ZFHX3: variants seen among roughly 807,000 people sequenced by gnomAD.
ZFHX3 encodes the protein zinc finger homeobox 3, also known as zinc finger homeobox protein 3.
Under a neutral mutation model 279.1 loss-of-function variants are expected in ZFHX3, and 42 were observed. The ratio of observed to expected loss-of-function variants is 0.15; its 90% CI spans 0.12 to 0.19. The LOEUF (loss-of-function observed/expected upper bound fraction) is 0.19, where lower values mean the gene tolerates loss of function less well. Among genes scored for constraint, ZFHX3 ranks in the 10% least tolerant of loss-of-function variants. ZFHX3 has a pLI of 1.00. For missense variants in ZFHX3, 4,981 were observed against 4,754.0 expected (o/e 1.05, Z -1.40); for synonymous variants, 2,293 against 1,957.8 (o/e 1.17, Z -4.52).
chr16:73,538,816 T>C (rs2019956682), intron 2 of ZFHX3, among the ~76,000 whole-genome samples: 1 of 152,178 alleles, frequency 6.6e-6, no homozygotes, highest in South Asian at 2.1e-4. Context: ...ACAATAACAA[T>C]GCAGCACCAT....
At chr16:73,423,175 G>A (rs74028632) in intron 3 of ZFHX3, among the ~76,000 whole-genome samples, 1 of 152,158 alleles carries the variant, frequency 6.6e-6, no homozygotes, top group African/African-American at 2.4e-5. Context: ...TTTTGCAGGG[G>A]CTGGGGAGGG....
chr16:73,180,487 C>A (rs1967766345), intron 5 of ZFHX3, among the ~76,000 whole-genome samples: 1 of 152,196 alleles, frequency 6.6e-6, no homozygotes. Flanking sequence ...CGTGAGTGGG[C>A]ACGAAGCCAC....
intron 2 of ZFHX3, among the ~76,000 whole-genome samples, chr16:73,671,979 T>C (rs181611744): frequency 1.6e-3 from 248 of 151,978 alleles, no homozygotes; most frequent in Middle Eastern, 0.014. Flanking sequence ...CTTTTTTTTT[T>C]CAAAAACAGA....
At chr16:73,261,100 T>A (rs572789351) in intron 4 of ZFHX3, among the ~76,000 whole-genome samples, 1 of 152,194 alleles carries the variant, frequency 6.6e-6, no homozygotes, top group Non-Finnish European at 1.5e-5. Context: ...TTATATAGGA[T>A]AGCAAAAGAT....
At chr16:73,057,715 TCG>T in intron 1 of ZFHX3, among the ~76,000 whole-genome samples, 1 of 151,566 alleles carries the variant, frequency 6.6e-6, no homozygotes, top group African/African-American at 2.4e-5. Context: ...CTCTGGGCGC[TCG>T]CGGCGCTGCC....
chr16:72,927,818 T>C (rs1959540142), intron 3 of ZFHX3, among the ~76,000 whole-genome samples: 1 of 152,002 alleles, frequency 6.6e-6, no homozygotes, highest in Non-Finnish European at 1.5e-5. Flanking sequence ...GAGTGGCTCA[T>C]GTATTTACAA....
At chr16:72,861,617 G>C (rs1230113857) in intron 4 of ZFHX3, among the ~76,000 whole-genome samples, 1 of 152,158 alleles carries the variant, frequency 6.6e-6, no homozygotes, top group East Asian at 1.9e-4. Context: ...AAATACATCA[G>C]AGAAAAATTC....
chr16:73,035,472 G>A (rs1437537044), intron 1 of ZFHX3, among the ~76,000 whole-genome samples: 1 of 152,146 alleles, frequency 6.6e-6, no homozygotes, highest in Admixed American at 6.5e-5. Context: ...ACAATGTACT[G>A]GCTCCCAAAT....
At chr16:73,537,245 G>T (rs1392543327) in intron 2 of ZFHX3, among the ~76,000 whole-genome samples, 1 of 151,532 alleles carries the variant, frequency 6.6e-6, no homozygotes, top group Non-Finnish European at 1.5e-5. Flanking sequence ...GCCCTAAGAG[G>T]AGAAAGCTCA....
intron 2 of ZFHX3, among the ~76,000 whole-genome samples, chr16:73,537,015 G>T (rs2019913908): frequency 6.6e-6 from 1 of 152,080 alleles, no homozygotes; most frequent in Non-Finnish European, 1.5e-5. Context: ...TTGCCTTAGG[G>T]TTTATCTGAG....
At chr16:73,881,480 G>GCCCCC (rs796522913) in intron 1 of ZFHX3, among the ~76,000 whole-genome samples, 6 of 23,566 alleles carry the variant, frequency 2.5e-4, no homozygotes, top group Non-Finnish European at 2.8e-4. Context: ...CTCTCTCTCT[G>GCCCCC]CCCCCCCCCC....
intron 7 of ZFHX3, among the ~76,000 whole-genome samples, chr16:73,103,069 C>T (rs113879267): frequency 6.6e-6 from 1 of 152,250 alleles, no homozygotes; most frequent in Non-Finnish European, 1.5e-5. Flanking sequence ...GGATTACAGG[C>T]ACCTGCTACC....
intron 4 of ZFHX3, among the ~76,000 whole-genome samples, chr16:73,276,214 G>A (rs150579523): frequency 8.0e-5 from 11 of 138,354 alleles, no homozygotes; most frequent in African/African-American, 2.2e-4. Context: ...ACAGAGTTTC[G>A]CTCTTGTTAC....
chr16:73,455,175 T>C (rs955724173), intron 3 of ZFHX3, among the ~76,000 whole-genome samples: 3 of 152,196 alleles, frequency 2.0e-5, no homozygotes, highest in African/African-American at 7.2e-5. Flanking sequence ...CTGGTTTTCA[T>C]ACCAGCCACA....
At chr16:73,364,822 G>A (rs914080849) in intron 3 of ZFHX3, among the ~76,000 whole-genome samples, 1 of 152,172 alleles carries the variant, frequency 6.6e-6, no homozygotes, top group Admixed American at 6.5e-5. Context: ...CCATTCATGG[G>A]AGTGCTATAG....
intron 7 of ZFHX3, among the ~76,000 whole-genome samples, chr16:73,100,376 C>T (rs1277657865): frequency 6.6e-6 from 1 of 152,158 alleles, no homozygotes; most frequent in African/African-American, 2.4e-5. Flanking sequence ...CTGAGACGAT[C>T]TCACCAACGG....
intron 4 of ZFHX3, among the ~76,000 whole-genome samples, chr16:72,842,529 A>ACTAAT (rs2143793253): frequency 6.6e-6 from 1 of 152,354 alleles, no homozygotes; most frequent in East Asian, 1.9e-4. Context: ...GTGAAGATGA[A>ACTAAT]CTAATCAAAG....
At chr16:73,248,804 T>A (rs1225345208) in intron 5 of ZFHX3, among the ~76,000 whole-genome samples, 2 of 152,256 alleles carry the variant, frequency 1.3e-5, no homozygotes, top group African/African-American at 4.8e-5. Flanking sequence ...ATCCTTATAT[T>A]GAAGTTTTTT....
chr16:73,428,607 A>G (rs1208305942), intron 3 of ZFHX3, among the ~76,000 whole-genome samples: 1 of 152,102 alleles, frequency 6.6e-6, no homozygotes, highest in Non-Finnish European at 1.5e-5. Flanking sequence ...AGCAGAGCAA[A>G]TGCAGGGTCA....
Sources: gnomAD v4.1 joint callset for allele counts (sites outside exome capture counted in the v4.1 genomes callset) on GRCh38, gnomAD v4.1.1 for gene constraint, MANE v1.5 for transcripts, NCBI Gene and HGNC (gene_info 2026-07-23, HGNC 2026-07-21) for gene names.